AJAP1: variants seen among roughly 807,000 people sequenced by gnomAD.
AJAP1 encodes the protein adherens junction-associated protein 1.
AJAP1 carries 5 observed loss-of-function variants against 35.0 expected under a neutral mutation model. The ratio of observed to expected loss-of-function variants is 0.14; its 90% CI spans 0.07 to 0.30. AJAP1 has a LOEUF of 0.30. AJAP1 is among the 10% of genes least tolerant of loss of function. The pLI is 1.00. For synonymous variants in AJAP1, 284 were observed against 249.3 expected (o/e 1.14, Z -1.31); for missense variants, 586 against 571.0 (o/e 1.03, Z -0.27).
chr1:4,663,464 A>T (rs1639048187), intron 1 of AJAP1, among the ~76,000 whole-genome samples: 1 of 152,198 alleles, frequency 6.6e-6, no homozygotes, highest in South Asian at 2.1e-4. Flanking sequence ...CCAACCACAG[A>T]CTTGGAAGAA....
In AJAP1 at chr1:4,692,767, C is replaced by T. The variant is rs1289775499; in HGVS notation, c.30-19133C>T. ...CTGCTGTCCTCCCTCCAGGTCTTGT[C>T]AGCTGAAATGCCTGTTCCCTCAGTG... On this transcript the variant is annotated intron_variant, in intron 1 of 5. Coordinates refer to ENST00000378191, the MANE Select transcript of AJAP1 (RefSeq NM_018836.4). The surrounding 1 kb of genome is among the most constrained non-coding windows in gnomAD (Gnocchi z 4.4). Among the ~76,000 whole-genome samples, 1 of 152,156 alleles carries T rather than the reference C, an allele frequency of 6.6e-6. No individual in the cohort carries two copies. The highest frequency in any genetic ancestry group is 6.5e-5 in the Admixed American group (1 of 15,276).
At position 4,712,537 on chromosome 1, in the gene AJAP1, ACCACCACGG is replaced by A. The variant is rs762499109; in HGVS notation, c.673_681del (p.Thr225_Thr227del). 8 of 1,612,588 alleles carry A rather than the reference ACCACCACGG, an allele frequency of 5.0e-6. No individual in the cohort carries two copies. The highest frequency in any genetic ancestry group is 6.8e-6 in the Non-Finnish European group (8 of 1,179,596). ...AACTGTGGCCGCCACCACCACCACCACCACCACGGCCACCCCCATGACGCTGCAGACTAA... is the reference window on the plus strand; with the variant it reads ...AACTGTGGCCGCCACCACCACCACCACCACCCCCATGACGCTGCAGACTAA... On this transcript the variant is annotated inframe_deletion, in exon 2 of 6. Transcript: ENST00000378191.
intron 2 of AJAP1, among the ~76,000 whole-genome samples, chr1:4,758,180 T>A (rs187017114): frequency 3.9e-5 from 6 of 152,278 alleles, no homozygotes; most frequent in Admixed American, 2.6e-4. Flanking sequence ...CCCTTATAAA[T>A]TACCCAGTCT....
Position 4,656,818 on chromosome 1 carries a change from G to A in AJAP1, c.29+1364G>A, listed in dbSNP as rs1176967309. ...GTTGGGTGTGGGATATTGGTCGGGC[G>A]TGAATCGATAAGTGTGCTTGGGCTA... On this transcript the variant is annotated intron_variant, in intron 1 of 5. Transcript: ENST00000378191. This position sits in a 1 kb window ranked among gnomAD's most constrained non-coding sequence, Gnocchi z 5.7. Among the ~76,000 whole-genome samples the A allele has an allele frequency of 1.3e-5, 2 of 152,190 alleles. No homozygotes were observed. Among genetic ancestry groups the A allele is most frequent in the African/African-American group, 2.4e-5 (1 of 41,450 alleles).
chr1:4,728,836 G>A (rs1640733200), intron 2 of AJAP1, among the ~76,000 whole-genome samples: 1 of 152,118 alleles, frequency 6.6e-6, no homozygotes. Context: ...ACTTAGTCTG[G>A]CCTCCCTGCC....
chr1:4,703,176 A>C (rs1454544085), intron 1 of AJAP1, among the ~76,000 whole-genome samples: 1 of 152,184 alleles, frequency 6.6e-6, no homozygotes, highest in East Asian at 1.9e-4. Context: ...AGGACATTAC[A>C]ATGACATCAG....
intron 1 of AJAP1, among the ~76,000 whole-genome samples, chr1:4,696,365 C>T (rs911806847): frequency 6.6e-6 from 1 of 152,196 alleles, no homozygotes; most frequent in Non-Finnish European, 1.5e-5. Context: ...GAACAGCTTC[C>T]GGATGCGATG....
At chr1:4,725,705 G>C (rs557712796) in intron 2 of AJAP1, among the ~76,000 whole-genome samples, 3 of 152,042 alleles carry the variant, frequency 2.0e-5, no homozygotes, top group African/African-American at 7.2e-5. Context: ...GTTCTCCACC[G>C]TCCTGGAGGC....
intron 2 of AJAP1, among the ~76,000 whole-genome samples, chr1:4,752,369 G>A (rs924076324): frequency 8.5e-5 from 13 of 152,096 alleles, no homozygotes; most frequent in Admixed American, 6.5e-5. Flanking sequence ...CTGGGCAAGA[G>A]AGGACGTCAT....
intron 1 of AJAP1, among the ~76,000 whole-genome samples, chr1:4,701,010 A>T (rs536176782): frequency 2.0e-5 from 3 of 152,322 alleles, no homozygotes; most frequent in Non-Finnish European, 4.4e-5. Flanking sequence ...CGTCCTGCCC[A>T]CACACTGCTT....
chr1:4,677,122 A>G lies in AJAP1; in HGVS notation c.29+21668A>G, dbSNP rs139157634. On this transcript the variant is annotated intron_variant, in intron 1 of 5. Coordinates refer to ENST00000378191, the MANE Select transcript of AJAP1 (RefSeq NM_018836.4). ...CGGTGAGCTGAGATCGTGCCACCGCACTTCAGCCTGGGCGACAAAAGTGAG... is the reference window on the plus strand; with the variant it reads ...CGGTGAGCTGAGATCGTGCCACCGCGCTTCAGCCTGGGCGACAAAAGTGAG... Among the ~76,000 whole-genome samples, 7 of 152,340 alleles carry G rather than the reference A, an allele frequency of 4.6e-5. No homozygotes were observed. The East Asian group carries it at 1.4e-3, about 29-fold the overall frequency.
At chr1:4,721,448 A>G (rs1258714963) in intron 2 of AJAP1, among the ~76,000 whole-genome samples, 1 of 152,230 alleles carries the variant, frequency 6.6e-6, no homozygotes, top group Non-Finnish European at 1.5e-5. Flanking sequence ...GGTCCTGTCC[A>G]TCAGCAAAGC....
At chr1:4,775,295 A>C (rs1463121486) in intron 5 of AJAP1, among the ~76,000 whole-genome samples, 7 of 152,104 alleles carry the variant, frequency 4.6e-5, no homozygotes, top group African/African-American at 1.4e-4. Flanking sequence ...CATGCATTCT[A>C]TAAGCACAGC....
At chr1:4,778,724 G>A (rs868836571) in intron 5 of AJAP1, among the ~76,000 whole-genome samples, 4 of 152,100 alleles carry the variant, frequency 2.6e-5, no homozygotes, top group African/African-American at 9.7e-5. Flanking sequence ...CATAGCCGGG[G>A]ATGTCTGGCA....
intron 2 of AJAP1, among the ~76,000 whole-genome samples, chr1:4,749,666 G>A (rs942962031): frequency 6.6e-6 from 1 of 152,246 alleles, no homozygotes; most frequent in Non-Finnish European, 1.5e-5. Flanking sequence ...TGCACAGAGG[G>A]ACACAGTGAC....
intron 1 of AJAP1, among the ~76,000 whole-genome samples, chr1:4,670,335 G>A (rs1484006805): frequency 6.6e-6 from 1 of 152,210 alleles, no homozygotes; most frequent in Non-Finnish European, 1.5e-5. Context: ...TTTTGGGAGT[G>A]GATTAAAGCA....
At chr1:4,721,739 C>T (rs1216773211) in intron 2 of AJAP1, among the ~76,000 whole-genome samples, 3 of 152,192 alleles carry the variant, frequency 2.0e-5, no homozygotes, top group African/African-American at 7.2e-5. Flanking sequence ...AGGCCAGACT[C>T]TCCTAACCCT....
At chr1:4,682,904 A>G (rs1422518031) in intron 1 of AJAP1, among the ~76,000 whole-genome samples, 1 of 152,002 alleles carries the variant, frequency 6.6e-6, no homozygotes, top group East Asian at 1.9e-4. Context: ...GATGGTGATG[A>G]TGCTGATGGT....
chr1:4,722,324 T>TC lies in AJAP1; in HGVS notation c.829+9627dup, dbSNP rs1459092246. 3.3e-5 allele frequency among the ~76,000 whole-genome samples: 5 copies of TC among 152,180 alleles called. No individual in the cohort carries two copies. In the East Asian group the frequency reaches 9.6e-4, roughly 29 times the overall value. ...GTGCAAGTTCACAGCGCAGAGGCGATCCGTGGTTTGCACACTTGTCCTGTG... is the reference window on the plus strand; with the variant it reads ...GTGCAAGTTCACAGCGCAGAGGCGATCCCGTGGTTTGCACACTTGTCCTGTG... On this transcript the variant is annotated intron_variant, in intron 2 of 5. Transcript: ENST00000378191.
Sources: allele counts gnomAD v4.1 joint callset (sites outside exome capture counted in the v4.1 genomes callset), GRCh38; gene constraint gnomAD v4.1.1; non-coding constraint Gnocchi (gnomAD v3.1); transcripts MANE v1.5; gene names NCBI Gene and HGNC (gene_info 2026-07-23, HGNC 2026-07-21).